SCN8A: variants seen among roughly 807,000 people sequenced by gnomAD.
SCN8A encodes sodium voltage-gated channel alpha subunit 8.
A neutral mutation model predicts 184.1 loss-of-function variants in SCN8A; 30 were observed. The observed-to-expected ratio is 0.16, with a 90% CI of 0.12 to 0.22. SCN8A has a LOEUF of 0.22. Ranked by LOEUF, SCN8A falls within the 10% of genes least tolerant of loss-of-function variation. The pLI is 1.00. For missense variants in SCN8A, 1,057 were observed against 2,498.9 expected (o/e 0.42, Z 12.30); for synonymous variants, 852 against 907.0 (o/e 0.94, Z 1.09).
At chr12:51,789,197 G>T in intron 23 of SCN8A, 84 bp from the exon 24 acceptor site, 1 of 1,452,606 alleles carries the variant, frequency 6.9e-7, no homozygotes. Context: ...CAGCTCAAAT[G>T]GTCACAGTTA....
chr12:51,789,602 CA>C (rs1565927180), intron 24 of SCN8A, among the ~76,000 whole-genome samples, 184 bp downstream of exon 24: 1 of 152,180 alleles, frequency 6.6e-6, no homozygotes, highest in Non-Finnish European at 1.5e-5. Context: ...CTGGATTTTG[CA>C]GCATGTAGTT....
chr12:51,592,744 A>G (rs1364846763), intron 1 of SCN8A, among the ~76,000 whole-genome samples: 1 of 151,682 alleles, frequency 6.6e-6, no homozygotes, highest in East Asian at 1.9e-4. Flanking sequence ...AAAGGGGGAG[A>G]GTGCTTTTTA....
intron 1 of SCN8A, among the ~76,000 whole-genome samples, chr12:51,626,701 A>G (rs1211127540): frequency 6.6e-6 from 1 of 151,974 alleles, no homozygotes; most frequent in Admixed American, 6.6e-5. Context: ...TTTAGGACAA[A>G]AATACATTCT....
intron 2 of SCN8A, among the ~76,000 whole-genome samples, chr12:51,682,769 G>T (rs926459914): frequency 2.0e-5 from 3 of 151,846 alleles, no homozygotes; most frequent in South Asian, 2.1e-4. Flanking sequence ...TCTGCCACTG[G>T]CCTGTCTCCT....
At chr12:51,795,974 G>A (rs1232210801) in intron 26 of SCN8A, among the ~76,000 whole-genome samples, 1 of 152,062 alleles carries the variant, frequency 6.6e-6, no homozygotes, top group East Asian at 1.9e-4. Flanking sequence ...TTAAGCCCGG[G>A]AGGTCAAGGC....
Position 51,720,238 on chromosome 12 carries a change from AT to A in SCN8A, c.1636-1307del, listed in dbSNP as rs757970539. Among the ~76,000 whole-genome samples the A allele has an allele frequency of 9.3e-5, 14 of 150,666 alleles. No homozygotes were observed. The East Asian group carries it at 1.2e-3, about 12-fold the overall frequency. On this transcript the variant is annotated intron_variant, in intron 11 of 26. Coordinates refer to ENST00000627620, the MANE Select transcript of SCN8A (RefSeq NM_001330260.2). ...ACTATGTAAACTTTTGATGAAAAAAATATGTTTAAAATGGGGTGGATGGAAT... is the reference window on the plus strand; with the variant it reads ...ACTATGTAAACTTTTGATGAAAAAAAATGTTTAAAATGGGGTGGATGGAAT...
At chr12:51,666,076 G>T (rs2138676798) in intron 2 of SCN8A, among the ~76,000 whole-genome samples, 1 of 152,110 alleles carries the variant, frequency 6.6e-6, no homozygotes, top group African/African-American at 2.4e-5. Context: ...AAGAAAAAAA[G>T]AAAGAAATGA....
intron 13 of SCN8A, among the ~76,000 whole-genome samples, chr12:51,748,673 T>G (rs1942550513): frequency 6.6e-6 from 1 of 152,192 alleles, no homozygotes; most frequent in African/African-American, 2.4e-5. Flanking sequence ...CCCCTAGAGG[T>G]AACTGGCCAT....
chr12:51,706,736 T>A (rs764253237), intron 11 of SCN8A, 21 bp downstream of exon 11: 104 of 1,472,350 alleles, frequency 7.1e-5, no homozygotes, highest in Non-Finnish European at 9.3e-5. Flanking sequence ...CTTTTTTCTA[T>A]ACCTTTTTCA....
At chr12:51,702,477 A>T (rs1941707842) in intron 8 of SCN8A, among the ~76,000 whole-genome samples, 2 of 152,192 alleles carry the variant, frequency 1.3e-5, no homozygotes, top group Admixed American at 6.5e-5. Context: ...CCTCTTAAAA[A>T]TGCAGATTCA....
intron 11 of SCN8A, among the ~76,000 whole-genome samples, chr12:51,717,413 A>AT (rs1941983555): frequency 6.6e-6 from 1 of 152,196 alleles, no homozygotes; most frequent in African/African-American, 2.4e-5. Flanking sequence ...ACATTCTTAG[A>AT]TGTTATGACT....
chr12:51,610,778 G>C lies in SCN8A; in HGVS notation c.-55+19419G>C, dbSNP rs147549671. ...TGAGAAATCTGCTGTTAATCTGATA[G>C]GTTTTCCTTTATAGGTTACCTGATG... is the stretch of plus-strand genomic sequence containing the variant. On this transcript the variant is annotated intron_variant, in intron 1 of 26. Coordinates refer to ENST00000627620, the MANE Select transcript of SCN8A (RefSeq NM_001330260.2). Among the ~76,000 whole-genome samples the C allele has an allele frequency of 3.6e-3, 550 of 152,220 alleles. 4 individuals are homozygous for C. The highest frequency in any genetic ancestry group is 0.012 in the African/African-American group (515 of 41,542).
At chr12:51,709,662 G>A (rs958858246) in intron 11 of SCN8A, among the ~76,000 whole-genome samples, 7 of 152,108 alleles carry the variant, frequency 4.6e-5, no homozygotes, top group Admixed American at 2.0e-4. Flanking sequence ...AATGAGTATA[G>A]ACTTCTCATC....
chr12:51,597,321 A>T (rs1329267257), intron 1 of SCN8A, among the ~76,000 whole-genome samples: 2 of 152,130 alleles, frequency 1.3e-5, no homozygotes, highest in African/African-American at 4.8e-5. Flanking sequence ...GAAAGCACTG[A>T]ACTCCCTCAA....
At chr12:51,747,081 CTGTGTGTATGTGTGTGTGTGTG>C (rs1036526948) in intron 13 of SCN8A, among the ~76,000 whole-genome samples, 11 of 90,566 alleles carry the variant, frequency 1.2e-4, no homozygotes, top group East Asian at 3.1e-4. Context: ...CACTTCTACT[CTGTGTGTATGTGTGTGTGTGTG>C]TGTGTGTGTG....
Position 51,772,606 on chromosome 12 carries a change from A to G in SCN8A, c.3646-1583A>G, listed in dbSNP as rs1592153714. On this transcript the variant is annotated intron_variant, in intron 19 of 26. Coordinates refer to ENST00000627620, the MANE Select transcript of SCN8A (RefSeq NM_001330260.2). ...TGACATGGAAGCTGTTGCCTTTTTG[A>G]TTGAGCAAAGGGGATTTATTTGCAC... Among the ~76,000 whole-genome samples the G allele has an allele frequency of 2.0e-5, 3 of 151,950 alleles. No individual in the cohort carries two copies. In the East Asian group the frequency reaches 5.8e-4, roughly 30 times the overall value.
In SCN8A at chr12:51,701,190, G is replaced by A. The variant is rs765299562; in HGVS notation, c.975G>A (p.Gly325=). 11 of 1,609,586 alleles carry A rather than the reference G, an allele frequency of 6.8e-6. No homozygotes were observed. The highest frequency in any genetic ancestry group is 8.5e-6 in the Non-Finnish European group (10 of 1,177,884). The change falls in exon 8 of 27, where the codon GGG becomes GGA. Residue 325 remains glycine (G), a synonymous_variant. Coordinates refer to ENST00000627620, the MANE Select transcript of SCN8A (RefSeq NM_001330260.2). ...VPGMLEPLLC[G]NSSDAGQCPE... Reference sequence around the variant, plus strand: ...GCATGCTGGAACCTTTACTCTGTGGGAACAGTTCTGATGCTGGGTAAGTAG... The same window carrying A: ...GCATGCTGGAACCTTTACTCTGTGGAAACAGTTCTGATGCTGGGTAAGTAG...
intron 12 of SCN8A, among the ~76,000 whole-genome samples, chr12:51,731,079 T>C (rs907879905): frequency 3.3e-5 from 5 of 152,252 alleles, no homozygotes; most frequent in Non-Finnish European, 5.9e-5. Flanking sequence ...TACTCTGTTG[T>C]GTCTAAGTAC....
intron 21 of SCN8A, among the ~76,000 whole-genome samples, chr12:51,785,314 A>G (rs1938053627): frequency 6.6e-6 from 1 of 152,238 alleles, no homozygotes; most frequent in Admixed American, 6.5e-5. Flanking sequence ...CACTTTAATG[A>G]CAGAGCTGTC....
Sources: gnomAD v4.1 joint callset for allele counts (sites outside exome capture counted in the v4.1 genomes callset) on GRCh38, gnomAD v4.1.1 for gene constraint, MANE v1.5 for transcripts, NCBI Gene and HGNC (gene_info 2026-07-23, HGNC 2026-07-21) for gene names.